The following LHPP variants were observed in gnomAD, a reference collection of about 807,000 sequenced individuals.
The protein encoded by LHPP is phospholysine phosphohistidine inorganic pyrophosphate phosphatase.
In LHPP, 24 loss-of-function variants were observed where a neutral mutation model predicts 30.3. The observed-to-expected ratio is 0.79, with a 90% CI of 0.57 to 1.11. LHPP has a LOEUF of 1.11. Ranked by LOEUF, LHPP falls within the 50% of genes most tolerant of loss-of-function variation. The pLI is 0.00. For missense variants in LHPP, 356 were observed against 367.2 expected (o/e 0.97, Z 0.25); for synonymous variants, 150 against 157.1 (o/e 0.95, Z 0.34).
At chr10:124,522,876 CCCTCTCTGT>C (rs1954643844) in intron 6 of LHPP, among the ~76,000 whole-genome samples, 1 of 152,164 alleles carries the variant, frequency 6.6e-6, no homozygotes, top group African/African-American at 2.4e-5. Context: ...TTCCAAGGTG[CCCTCTCTGT>C]CCTCAGTGGA....
At chr10:124,610,917 A>G (rs868108028) in intron 6 of LHPP, among the ~76,000 whole-genome samples, 54 of 37,322 alleles carry the variant, frequency 1.4e-3, no homozygotes, top group East Asian at 2.6e-3. Flanking sequence ...GAGGGTGCTG[A>G]TGGAGCGGGC....
intron 6 of LHPP, among the ~76,000 whole-genome samples, chr10:124,598,184 G>A (rs1253120239): frequency 6.6e-6 from 1 of 152,266 alleles, no homozygotes; most frequent in Non-Finnish European, 1.5e-5. Flanking sequence ...CAGGTCCCCA[G>A]TGGGAGGACT....
At chr10:124,602,134 G>A (rs578072861) in intron 6 of LHPP, among the ~76,000 whole-genome samples, 92 of 152,294 alleles carry the variant, frequency 6.0e-4, no homozygotes, top group African/African-American at 2.2e-3. Context: ...TATGCCCCAC[G>A]TGCCCAGGGA....
chr10:124,482,135 C>G (rs1953157567), intron 1 of LHPP, among the ~76,000 whole-genome samples: 1 of 152,220 alleles, frequency 6.6e-6, no homozygotes, highest in African/African-American at 2.4e-5. Flanking sequence ...TTGGGTCTCA[C>G]TTGCTCAGAT....
At chr10:124,531,289 T>C (rs1412288358) in intron 6 of LHPP, among the ~76,000 whole-genome samples, 2 of 152,224 alleles carry the variant, frequency 1.3e-5, no homozygotes, top group South Asian at 2.1e-4. Context: ...CTGGCTGCCA[T>C]GTCAAGCTCG....
rs190291643 is a variant in LHPP at position 124,537,299 on chromosome 10, G to A, written c.716+20028G>A. On this transcript the variant is annotated intron_variant, in intron 6 of 6. Transcript: ENST00000368842. The stretch of plus-strand genomic sequence containing the variant: ...GTGATTGTGGGGTGCATGGGGGCCC[G>A]TGAGCTGTTGGGGGTGTCAGGGTTC... 2.1e-3 allele frequency among the ~76,000 whole-genome samples: 319 copies of A among 152,340 alleles called. 4 individuals are homozygous for A. The highest frequency in any genetic ancestry group is 6.9e-3 in the African/African-American group (287 of 41,566).
chr10:124,539,103 G>A (rs979892211), intron 6 of LHPP, among the ~76,000 whole-genome samples: 3 of 152,124 alleles, frequency 2.0e-5, no homozygotes, highest in African/African-American at 7.2e-5. Context: ...GAGGAAATCT[G>A]GGGTGTCCTG....
At chr10:124,538,320 T>C (rs1955090432) in intron 6 of LHPP, among the ~76,000 whole-genome samples, 2 of 152,176 alleles carry the variant, frequency 1.3e-5, no homozygotes, top group African/African-American at 2.4e-5. Context: ...GCTCCCAGCC[T>C]TGCTGCTGCC....
intron 5 of LHPP, among the ~76,000 whole-genome samples, chr10:124,507,802 G>A (rs1336389938): frequency 3.1e-5 from 3 of 97,956 alleles, no homozygotes; most frequent in Non-Finnish European, 2.0e-5. Flanking sequence ...AGGTGGGGGG[G>A]GTAGGGAGGA....
rs138732740 is a variant in LHPP at position 124,562,795 on chromosome 10, G to A, written c.716+45524G>A. On this transcript the variant is annotated intron_variant, in intron 6 of 6. Transcript: ENST00000368842. Reference sequence around the variant, plus strand: ...AAAAATATAAAAATTACCTAGGCATGATGGTGCTCGCCTGTAATTCCAGCT... The same window carrying A: ...AAAAATATAAAAATTACCTAGGCATAATGGTGCTCGCCTGTAATTCCAGCT... Among the ~76,000 whole-genome samples the A allele has an allele frequency of 2.6e-5, 4 of 152,226 alleles. No individual in the cohort carries two copies. In the East Asian group the frequency reaches 7.7e-4, roughly 29 times the overall value.
chr10:124,498,791 C>A, intron 5 of LHPP: 1 of 437,062 alleles, frequency 2.3e-6, no homozygotes, highest in African/African-American at 2.1e-5. Context: ...CATCTCAGTG[C>A]CCCCTTAACC....
chr10:124,529,026 C>CT lies in LHPP; in HGVS notation c.716+11778dup, dbSNP rs4022274. Among the ~76,000 whole-genome samples, 644 of 78,262 alleles carry CT rather than the reference C, an allele frequency of 8.2e-3. 19 individuals are homozygous for CT. The highest frequency in any genetic ancestry group is 0.044 in the African/African-American group (618 of 14,088). 51.3% of individuals were successfully genotyped at this position (78,262 alleles called of 152,430 possible). ...CCTGGGTTTGTGAATTTGGGGGATT[C>CT]TTTTTTTTTTTTTTTTTTTTTTTGA... On this transcript the variant is annotated intron_variant, in intron 6 of 6. Transcript: ENST00000368842.
chr10:124,540,488 A>C lies in LHPP; in HGVS notation c.716+23217A>C, dbSNP rs982457539. On this transcript the variant is annotated intron_variant, in intron 6 of 6. Transcript: ENST00000368842. Reference sequence around the variant, plus strand: ...ACGGCTCTCAGTTTCCCTTTCCCCGAGCGCCCTTCACCCTGAGGCACAGCA... The same window carrying C: ...ACGGCTCTCAGTTTCCCTTTCCCCGCGCGCCCTTCACCCTGAGGCACAGCA... Among the ~76,000 whole-genome samples the C allele has an allele frequency of 2.0e-5, 3 of 152,062 alleles. No homozygotes were observed. In the East Asian group the frequency reaches 5.8e-4, roughly 29 times the overall value.
chr10:124,539,726 A>C (rs1435037929), intron 6 of LHPP, among the ~76,000 whole-genome samples: 9 of 116,672 alleles, frequency 7.7e-5, no homozygotes, highest in African/African-American at 2.7e-4. Context: ...ACAGAGCAAA[A>C]CCCTGTCTCA....
chr10:124,564,463 A>G (rs987456750), intron 6 of LHPP, among the ~76,000 whole-genome samples: 1 of 151,530 alleles, frequency 6.6e-6, no homozygotes, highest in Non-Finnish European at 1.5e-5. Flanking sequence ...TGTGGTGCCC[A>G]GGCTGGTCTT....
intron 2 of LHPP, among the ~76,000 whole-genome samples, chr10:124,487,417 A>G (rs1953366903): frequency 6.8e-6 from 1 of 147,544 alleles, no homozygotes; most frequent in Non-Finnish European, 1.5e-5. Context: ...ATCGTATCTC[A>G]TTGTGTATTT....
chr10:124,594,345 AAAAAAAGAC>A (rs1948916895), intron 6 of LHPP, among the ~76,000 whole-genome samples: 1 of 151,214 alleles, frequency 6.6e-6, no homozygotes, highest in African/African-American at 2.4e-5. Flanking sequence ...AAAAAAAAAA[AAAAAAAGAC>A]AGCATCACTG....
chr10:124,489,363 T>G (rs1953442827), intron 3 of LHPP, among the ~76,000 whole-genome samples: 1 of 152,212 alleles, frequency 6.6e-6, no homozygotes, highest in African/African-American at 2.4e-5. Flanking sequence ...TCATCTGTTT[T>G]TTATTGTTCA....
chr10:124,549,407 C>T (rs1211376832), intron 6 of LHPP, among the ~76,000 whole-genome samples: 1 of 151,260 alleles, frequency 6.6e-6, no homozygotes, highest in Non-Finnish European at 1.5e-5. Flanking sequence ...CCATGCACTC[C>T]AGCCTGGACA....
Sources: allele counts gnomAD v4.1 joint callset (sites outside exome capture counted in the v4.1 genomes callset), GRCh38; gene constraint gnomAD v4.1.1; transcripts MANE v1.5; gene names NCBI Gene and HGNC (gene_info 2026-07-23, HGNC 2026-07-21).